Variants in ADAMTSL1 observed in about 807,000 individuals in gnomAD.
ADAMTSL1 encodes the protein ADAMTS like 1, also known as ADAMTS-like protein 1.
A neutral mutation model predicts 201.8 loss-of-function variants in ADAMTSL1; 126 were observed. The observed-to-expected ratio is 0.62, with a 90% CI of 0.54 to 0.72. The LOEUF (loss-of-function observed/expected upper bound fraction) is 0.72, where lower values mean the gene tolerates loss of function less well. ADAMTSL1 is among the 30% of genes least tolerant of loss of function. The pLI, the probability that ADAMTSL1 is intolerant of heterozygous loss-of-function variation, is 0.00. For missense variants in ADAMTSL1, 2,679 were observed against 2,277.8 expected, an observed-to-expected ratio of 1.18 and a Z score of -3.59; for synonymous variants, 1,121 against 903.4, an observed-to-expected ratio of 1.24 and a Z score of -4.32.
chr9:18,153,366 C>T (rs533560563), intron 1 of ADAMTSL1, among the ~76,000 whole-genome samples: 77 of 152,192 alleles, frequency 5.1e-4, no homozygotes, highest in African/African-American at 1.8e-3. Context: ...GATTAGATGA[C>T]TTCTAAGCCT....
rs370083998 is a variant in ADAMTSL1, at chr9:18,777,837, A to T, written c.3608A>T (p.Glu1203Val). ...ACACTGAGTGTTCTTCTGCACTGTG[A>T]GGCCATCGGCCACCCAAGGCCTACC... The part of the protein sequence containing the change: ...SGTLSVLLHC[E>V]AIGHPRPTIS... Residue 1203 changes from glutamate (E) to valine (V), a missense_variant, in exon 19 of 29, where the codon GAG becomes GTG. Transcript: ENST00000380548. 2.5e-6 allele frequency: 4 copies of T among 1,605,712 alleles called. No individual in the cohort carries two copies. Among genetic ancestry groups the T allele is most frequent in the Non-Finnish European group, 3.4e-6 (4 of 1,173,796 alleles).
At chr9:18,408,464 C>T (rs914282972) in intron 2 of ADAMTSL1, among the ~76,000 whole-genome samples, 2 of 151,888 alleles carry the variant, frequency 1.3e-5, no homozygotes, top group African/African-American at 4.8e-5. Context: ...GAGTGAGACA[C>T]TCTCCGCACC....
intron 1 of ADAMTSL1, among the ~76,000 whole-genome samples, chr9:18,087,845 CAGTATT>C (rs1563992346): frequency 6.6e-6 from 1 of 152,012 alleles, no homozygotes; most frequent in East Asian, 1.9e-4. Context: ...AACATACAAA[CAGTATT>C]AGTCACTTAT....
intron 2 of ADAMTSL1, among the ~76,000 whole-genome samples, chr9:18,311,549 T>C (rs1487020158): frequency 6.6e-6 from 1 of 152,106 alleles, no homozygotes; most frequent in Non-Finnish European, 1.5e-5. Flanking sequence ...ATCTGTACTG[T>C]AGGTGCTTCC....
intron 26 of ADAMTSL1, among the ~76,000 whole-genome samples, chr9:18,900,811 G>C (rs374300294): frequency 6.6e-6 from 1 of 152,050 alleles, no homozygotes; most frequent in African/African-American, 2.4e-5. Flanking sequence ...AGAGCATCAA[G>C]ACAAACAGCT....
chr9:18,640,199 G>A (rs375664250), intron 7 of ADAMTSL1, among the ~76,000 whole-genome samples: 9 of 152,080 alleles, frequency 5.9e-5, no homozygotes, highest in East Asian at 1.9e-4. Flanking sequence ...AGGGAGAAAG[G>A]TTCCAGAATA....
At chr9:17,981,061 G>A (rs1015153351) in intron 1 of ADAMTSL1, among the ~76,000 whole-genome samples, 4 of 152,190 alleles carry the variant, frequency 2.6e-5, no homozygotes, top group African/African-American at 9.6e-5. Context: ...TCATCCCCAT[G>A]ATCCAGATAC....
intron 2 of ADAMTSL1, among the ~76,000 whole-genome samples, chr9:18,524,249 A>G (rs1408803305): frequency 1.3e-5 from 2 of 152,192 alleles, no homozygotes; most frequent in East Asian, 1.9e-4. Flanking sequence ...TTTGTCTGTT[A>G]TTGGTGTATA....
intron 1 of ADAMTSL1, among the ~76,000 whole-genome samples, chr9:18,008,965 A>C (rs1274886159): frequency 1.3e-5 from 2 of 152,032 alleles, no homozygotes; most frequent in Non-Finnish European, 2.9e-5. Flanking sequence ...ATCGATCCAA[A>C]GGAAGAGAGG....
intron 2 of ADAMTSL1, among the ~76,000 whole-genome samples, chr9:18,398,655 G>T (rs967643559): frequency 2.0e-5 from 3 of 152,082 alleles, no homozygotes; most frequent in Non-Finnish European, 4.4e-5. Flanking sequence ...TTAAGGTGCT[G>T]TCTAGATCCC....
At chr9:18,427,894 G>T (rs1037051143) in intron 2 of ADAMTSL1, among the ~76,000 whole-genome samples, 3 of 152,220 alleles carry the variant, frequency 2.0e-5, no homozygotes, top group East Asian at 1.9e-4. Flanking sequence ...TGTTCAAACG[G>T]ATGTGCTTAG....
chr9:18,618,360 G>T (rs1008015922), intron 4 of ADAMTSL1, among the ~76,000 whole-genome samples: 1 of 151,980 alleles, frequency 6.6e-6, no homozygotes, highest in African/African-American at 2.4e-5. Context: ...GTGTTTCATC[G>T]ATTCAGCAGC....
intron 1 of ADAMTSL1, among the ~76,000 whole-genome samples, chr9:17,957,905 G>A (rs935076576): frequency 2.0e-5 from 3 of 152,118 alleles, no homozygotes; most frequent in Non-Finnish European, 2.9e-5. Flanking sequence ...CAGAGGAAGC[G>A]TGGCCCTGCC....
At chr9:18,711,402 G>A (rs1832587430) in intron 14 of ADAMTSL1, among the ~76,000 whole-genome samples, 1 of 152,250 alleles carries the variant, frequency 6.6e-6, no homozygotes, top group African/African-American at 2.4e-5. Context: ...CCGTGCGCGA[G>A]CCGAAGCAGG....
chr9:18,766,296 A>C (rs775300357), intron 16 of ADAMTSL1, among the ~76,000 whole-genome samples: 52 of 152,190 alleles, frequency 3.4e-4, no homozygotes, highest in Non-Finnish European at 5.9e-5. Flanking sequence ...TTTGCAGGGC[A>C]GGGTTAGAGG....
chr9:18,173,692 C>G (rs1828007836), intron 2 of ADAMTSL1, among the ~76,000 whole-genome samples: 1 of 152,052 alleles, frequency 6.6e-6, no homozygotes, highest in South Asian at 2.1e-4. Flanking sequence ...AACACTAATG[C>G]AGACAGATTT....
chr9:18,906,594 A>C, intron 27 of ADAMTSL1, 98 bp from the exon 28 acceptor site: 1 of 995,896 alleles, frequency 1.0e-6, no homozygotes, highest in Non-Finnish European at 1.4e-6. Context: ...TTCTTGAGGA[A>C]CCACCTAACA....
chr9:18,422,809 C>A (rs1410848301), intron 2 of ADAMTSL1, among the ~76,000 whole-genome samples: 1 of 152,140 alleles, frequency 6.6e-6, no homozygotes, highest in East Asian at 1.9e-4. Context: ...TGGTTGCTTT[C>A]TTGTATGTCT....
intron 2 of ADAMTSL1, among the ~76,000 whole-genome samples, chr9:18,410,892 A>G (rs1238861762): frequency 2.7e-5 from 4 of 146,330 alleles, no homozygotes; most frequent in African/African-American, 1.0e-4. Context: ...ACCAGGCTGG[A>G]GTGCAGTGGT....
Sources: allele counts gnomAD v4.1 joint callset (sites outside exome capture counted in the v4.1 genomes callset), GRCh38; gene constraint gnomAD v4.1.1; transcripts MANE v1.5; gene names NCBI Gene and HGNC (gene_info 2026-07-23, HGNC 2026-07-21).